Variants in NAMPT observed in about 807,000 individuals in gnomAD.
NAMPT encodes the protein NAmPRTase.
In NAMPT, 7 loss-of-function variants were observed where a neutral mutation model predicts 58.7. The observed-to-expected ratio is 0.12, with a 90% CI of 0.07 to 0.22. The LOEUF is 0.22. NAMPT is among the 10% of genes least tolerant of loss of function. The pLI is 1.00. For synonymous variants in NAMPT, 145 were observed against 198.1 expected, an observed-to-expected ratio of 0.73 and a Z score of 2.25; for missense variants, 271 against 567.9, an observed-to-expected ratio of 0.48 and a Z score of 5.31.
chr7:106,251,028 C>T lies in NAMPT; in HGVS notation c.*55G>A. 1 of 1,307,948 alleles carries T rather than the reference C, an allele frequency of 7.6e-7. No individual in the cohort carries two copies. Among genetic ancestry groups the T allele is most frequent in the South Asian group, 1.2e-5 (1 of 84,406 alleles). The allele number at this position is 1,307,948 out of a possible 1,614,324, so 81.0% of individuals were successfully genotyped here. On this transcript the variant is annotated 3_prime_UTR_variant, in exon 11 of 11. Transcript: ENST00000222553. ...ATCATAAAACACAAACCCCACACAT[C>T]TGTACAATAAACATTATGTATTACA...
At chr7:106,267,532 T>C (rs1431175279) in intron 6 of NAMPT, among the ~76,000 whole-genome samples, 2 of 152,114 alleles carry the variant, frequency 1.3e-5, no homozygotes, top group African/African-American at 4.8e-5. Flanking sequence ...GTGATAAGGT[T>C]TGGCAAACAT....
In NAMPT at chr7:106,250,076, CTT is replaced by C. The variant is rs1216997548; in HGVS notation, c.*1005_*1006del. 6.6e-6 allele frequency: 1 copy of C among 152,262 alleles called. No homozygotes were observed. The highest frequency in any genetic ancestry group is 1.9e-4 in the East Asian group (1 of 5,204). 9.4% of individuals were successfully genotyped at this position (152,262 alleles called of 1,614,324 possible). On this transcript the variant is annotated 3_prime_UTR_variant, in exon 11 of 11. Coordinates refer to ENST00000222553, the MANE Select transcript of NAMPT (RefSeq NM_005746.3). Reference sequence around the variant, plus strand: ...AATATCCAATTTAATTTTTTAAAAACTTAATAAAAAATATAACAGAATTGAAA... The same window carrying C: ...AATATCCAATTTAATTTTTTAAAAACAATAAAAAATATAACAGAATTGAAA...
At chr7:106,264,202 T>C (rs1299044060) in intron 6 of NAMPT, among the ~76,000 whole-genome samples, 2 of 152,102 alleles carry the variant, frequency 1.3e-5, no homozygotes, top group Non-Finnish European at 2.9e-5. Flanking sequence ...GGAAGTCATG[T>C]ATTTTGTTTG....
At position 106,272,510 on chromosome 7, in the gene NAMPT, G is replaced by T; in HGVS notation, c.447+20C>A. The T allele has an allele frequency of 6.3e-7, 1 of 1,591,000 alleles. No homozygotes were observed. Among genetic ancestry groups the T allele is most frequent in the Non-Finnish European group, 8.6e-7 (1 of 1,165,894 alleles). On this transcript the variant is annotated intron_variant, in intron 4 of 10. Coordinates refer to ENST00000222553, the MANE Select transcript of NAMPT (RefSeq NM_005746.3). ...TCTTTATTCAATTAATGTTAAATAA[G>T]AATTAAAAAAACAATTTACCTCAAT...
chr7:106,284,634 C>G (rs1170815334), intron 1 of NAMPT, 194 bp downstream of exon 1: 2 of 500,728 alleles, frequency 4.0e-6, no homozygotes, highest in African/African-American at 4.2e-5. Flanking sequence ...CTCCTCAAGC[C>G]ACCTCCTGCC....
At chr7:106,267,858 A>C (rs1188052219) in intron 6 of NAMPT, among the ~76,000 whole-genome samples, 3 of 134,374 alleles carry the variant, frequency 2.2e-5, no homozygotes, top group African/African-American at 5.4e-5. Context: ...AAAAAAAAAA[A>C]AAAAAAAAAA....
At position 106,251,056 on chromosome 7, in the gene NAMPT, C is replaced by T; in HGVS notation, c.*27G>A. 2.1e-6 allele frequency: 3 copies of T among 1,428,588 alleles called. No homozygotes were observed. Among genetic ancestry groups the T allele is most frequent in the South Asian group, 2.3e-5 (2 of 87,300 alleles). 88.5% of individuals were successfully genotyped at this position (1,428,588 alleles called of 1,614,324 possible). A position where few individuals can be genotyped will look rare whatever the true frequency, so the allele number is the denominator to read the frequency against. On this transcript the variant is annotated 3_prime_UTR_variant, in exon 11 of 11. Coordinates refer to ENST00000222553, the MANE Select transcript of NAMPT (RefSeq NM_005746.3). ...TACAATAAACATTATGTATTACATACACACAACACACACCCAGTCATAAAG... is the reference window on the plus strand; with the variant it reads ...TACAATAAACATTATGTATTACATATACACAACACACACCCAGTCATAAAG...
upstream of NAMPT, chr7:106,285,548 T>C: frequency 2.0e-6 from 2 of 986,046 alleles, no homozygotes; most frequent in Non-Finnish European, 2.4e-6. Flanking sequence ...CACCTTTGTC[T>C]CCGGCCTGGA....
At position 106,253,024 on chromosome 7, in the gene NAMPT, T is replaced by C. The variant is rs376047293; in HGVS notation, c.1358A>G (p.Tyr453Cys). The C allele has an allele frequency of 7.4e-6, 12 of 1,613,020 alleles. No homozygotes were observed. Among genetic ancestry groups the C allele is most frequent in the Non-Finnish European group, 1.0e-5 (12 of 1,179,296 alleles). The change falls in exon 10 of 11, where the codon TAT becomes TGT. Residue 453 changes from tyrosine (Y) to cysteine (C), a missense_variant. Around this residue, in one of 4 missense-constraint regions of NAMPT, gnomAD observed 143 missense variants for 331.1 expected, o/e 0.43. Coordinates refer to ENST00000222553, the MANE Select transcript of NAMPT (RefSeq NM_005746.3). Reference protein sequence around the residue: ...LEEGKGDLEEYGQDLLHTVFK... With the variant: ...LEEGKGDLEECGQDLLHTVFK... ...ATCAGCATAGATACATACCTGACCATATTCCTCAAGGTCTCCTTTTCCTTC... is the reference window on the plus strand; with the variant it reads ...ATCAGCATAGATACATACCTGACCACATTCCTCAAGGTCTCCTTTTCCTTC...
At chr7:106,275,139 C>G (rs192926461) in intron 2 of NAMPT, 90 bp from the exon 3 acceptor site, 9 of 749,714 alleles carry the variant, frequency 1.2e-5, no homozygotes, top group Admixed American at 1.1e-4. Context: ...TTGGCTATTT[C>G]ACCCATTCTA....
chr7:106,279,712 A>G (rs560261351), intron 1 of NAMPT, among the ~76,000 whole-genome samples: 13 of 152,352 alleles, frequency 8.5e-5, no homozygotes, highest in Admixed American at 4.6e-4. Flanking sequence ...AAATAGAATG[A>G]CATGGTCTCT....
chr7:106,273,252 A>C (rs1161295830), intron 3 of NAMPT, among the ~76,000 whole-genome samples: 2 of 152,220 alleles, frequency 1.3e-5, no homozygotes, highest in Non-Finnish European at 2.9e-5. Context: ...AGTATGACTT[A>C]ACTGACTTCC....
At chr7:106,283,050 A>T (rs1331238747) in intron 1 of NAMPT, among the ~76,000 whole-genome samples, 1 of 152,218 alleles carries the variant, frequency 6.6e-6, no homozygotes, top group Non-Finnish European at 1.5e-5. Flanking sequence ...ATTTTAGCAT[A>T]CTGCGGTAAG....
chr7:106,257,221 TTGTTC>T (rs1470248762), intron 8 of NAMPT, among the ~76,000 whole-genome samples: 1 of 152,034 alleles, frequency 6.6e-6, no homozygotes, highest in Non-Finnish European at 1.5e-5. Context: ...AATCCTCTAA[TTGTTC>T]TGTTTAAGTT....
chr7:106,254,310 T>C (rs903734535), intron 9 of NAMPT, 54 bp downstream of exon 9: 49 of 1,592,902 alleles, frequency 3.1e-5, no homozygotes, highest in Non-Finnish European at 4.0e-5. Context: ...AACCACATTC[T>C]ACCTAGATAC....
chr7:106,284,250 G>A (rs1427242223), intron 1 of NAMPT: 2 of 152,122 alleles, frequency 1.3e-5, no homozygotes, highest in Non-Finnish European at 2.9e-5. Context: ...CGGCTACCGG[G>A]GCCAGGCGAG....
At chr7:106,266,920 A>G (rs1307187750) in intron 6 of NAMPT, among the ~76,000 whole-genome samples, 2 of 152,178 alleles carry the variant, frequency 1.3e-5, no homozygotes, top group East Asian at 3.8e-4. Flanking sequence ...TCAAAATATG[A>G]GCGCCCTTAC....
intron 7 of NAMPT, 22 bp from the exon 8 acceptor site, chr7:106,261,729 C>T (rs1792306023): frequency 6.3e-7 from 1 of 1,596,996 alleles, no homozygotes; most frequent in Non-Finnish European, 8.6e-7. Flanking sequence ...AATACACATG[C>T]AACACAAATA....
In NAMPT at chr7:106,249,390, T is replaced by A. The variant is rs978995974; in HGVS notation, c.*1693A>T. Reference sequence around the variant, plus strand: ...ATGTAACTATTTAAAACAGATGATTTATGGCTTTTCAATTTTTAAAATTTC... The same window carrying A: ...ATGTAACTATTTAAAACAGATGATTAATGGCTTTTCAATTTTTAAAATTTC... On this transcript the variant is annotated 3_prime_UTR_variant, in exon 11 of 11. Coordinates refer to ENST00000222553, the MANE Select transcript of NAMPT (RefSeq NM_005746.3). The A allele has an allele frequency of 6.6e-6, 1 of 152,544 alleles. No homozygotes were observed. The highest frequency in any genetic ancestry group is 1.5e-5 in the Non-Finnish European group (1 of 67,962). 9.4% of individuals were successfully genotyped at this position (152,544 alleles called of 1,614,324 possible).
Sources: allele counts gnomAD v4.1 joint callset (sites outside exome capture counted in the v4.1 genomes callset), GRCh38; gene constraint gnomAD v4.1.1; regional missense constraint gnomAD v4.1.1; transcripts MANE v1.5; gene names NCBI Gene and HGNC (gene_info 2026-07-23, HGNC 2026-07-21).